GPC5: variants seen among roughly 807,000 people sequenced by gnomAD.
GPC5 encodes glypican-5.
In GPC5, 47 loss-of-function variants were observed where a neutral mutation model predicts 53.9. The ratio of observed to expected loss-of-function variants is 0.87; its 90% CI spans 0.69 to 1.11. The LOEUF (loss-of-function observed/expected upper bound fraction) is 1.11. Ranked by LOEUF, GPC5 falls within the 50% of genes most tolerant of loss-of-function variation. The pLI is 0.00. For synonymous variants in GPC5, 286 were observed against 263.3 expected (o/e 1.09, Z -0.84); for missense variants, 748 against 713.1 (o/e 1.05, Z -0.56).
At chr13:92,626,549 C>G (rs1885052270) in intron 7 of GPC5, among the ~76,000 whole-genome samples, 1 of 152,138 alleles carries the variant, frequency 6.6e-6, no homozygotes, top group Admixed American at 6.6e-5. Context: ...CTTATGGAGG[C>G]CTCATTGCTG....
At chr13:92,803,742 T>C (rs1327232615) in intron 7 of GPC5, among the ~76,000 whole-genome samples, 6 of 151,972 alleles carry the variant, frequency 3.9e-5, no homozygotes, top group Non-Finnish European at 7.4e-5. Context: ...TAATTTGTAT[T>C]TTAAAAGGCT....
intron 7 of GPC5, among the ~76,000 whole-genome samples, chr13:92,398,337 G>C (rs913276924): frequency 2.8e-5 from 4 of 145,334 alleles, no homozygotes; most frequent in Admixed American, 1.4e-4. Context: ...GCTGAGGCAG[G>C]AGAATGGCGT....
chr13:91,664,380 T>C (rs2035058011), intron 2 of GPC5, among the ~76,000 whole-genome samples: 1 of 152,200 alleles, frequency 6.6e-6, no homozygotes, highest in South Asian at 2.1e-4. Context: ...GCATGATCAT[T>C]TATCTAAAGC....
At chr13:92,048,212 T>C (rs959126270) in intron 6 of GPC5, among the ~76,000 whole-genome samples, 3 of 152,114 alleles carry the variant, frequency 2.0e-5, no homozygotes, top group African/African-American at 7.2e-5. Context: ...TACTGAATTA[T>C]ATGTAATATC....
Position 92,720,600 on chromosome 13 carries a change from G to GA in GPC5, c.1562-145676dup, listed in dbSNP as rs1205286542. Among the ~76,000 whole-genome samples the GA allele has an allele frequency of 2.0e-5, 3 of 151,830 alleles. No homozygotes were observed. The East Asian group carries it at 5.8e-4, about 29-fold the overall frequency. ...AATAAAAATATAAGAGTATAATAAGGAAAAAATTGATGTTACATAACGTAC... is the reference window on the plus strand; with the variant it reads ...AATAAAAATATAAGAGTATAATAAGGAAAAAAATTGATGTTACATAACGTAC... On this transcript the variant is annotated intron_variant, in intron 7 of 7. Coordinates refer to ENST00000377067, the MANE Select transcript of GPC5 (RefSeq NM_004466.6).
intron 2 of GPC5, among the ~76,000 whole-genome samples, chr13:91,598,308 T>G (rs1188944775): frequency 7.0e-6 from 1 of 142,870 alleles, no homozygotes; most frequent in African/African-American, 2.4e-5. Context: ...GGCATGAGAT[T>G]TATCTTCTAG....
chr13:91,754,839 A>G (rs1325439816), intron 4 of GPC5, among the ~76,000 whole-genome samples: 1 of 152,122 alleles, frequency 6.6e-6, no homozygotes, highest in Non-Finnish European at 1.5e-5. Context: ...CTGTGCTATC[A>G]AGAGAATAAA....
chr13:92,863,183 G>A (rs537932703), intron 7 of GPC5, among the ~76,000 whole-genome samples: 1 of 152,200 alleles, frequency 6.6e-6, no homozygotes, highest in African/African-American at 2.4e-5. Context: ...TGACTTGGTG[G>A]TGCCAAGCAA....
chr13:91,562,505 C>G (rs2031324186), intron 2 of GPC5, among the ~76,000 whole-genome samples: 1 of 151,882 alleles, frequency 6.6e-6, no homozygotes, highest in Non-Finnish European at 1.5e-5. Context: ...ACTCTGTCGC[C>G]CAGGTTGGAG....
chr13:91,761,625 A>C (rs1277463524), intron 5 of GPC5, among the ~76,000 whole-genome samples: 2 of 152,154 alleles, frequency 1.3e-5, no homozygotes, highest in African/African-American at 4.8e-5. Flanking sequence ...TATGTTTACC[A>C]GTTTTTTATC....
At chr13:92,832,930 C>T (rs2138823296) in intron 7 of GPC5, among the ~76,000 whole-genome samples, 1 of 152,246 alleles carries the variant, frequency 6.6e-6, no homozygotes, top group Non-Finnish European at 1.5e-5. Flanking sequence ...ATCACTTGAA[C>T]CCAGGAGGCG....
intron 7 of GPC5, among the ~76,000 whole-genome samples, chr13:92,209,387 A>T (rs913679552): frequency 6.6e-6 from 1 of 152,190 alleles, no homozygotes; most frequent in Non-Finnish European, 1.5e-5. Flanking sequence ...AAGGGTGGTT[A>T]TTTAAACCAT....
intron 5 of GPC5, among the ~76,000 whole-genome samples, chr13:91,895,483 G>GT (rs952955107): frequency 5.9e-5 from 9 of 152,220 alleles, no homozygotes; most frequent in South Asian, 2.1e-4. Context: ...TCACAGAAAT[G>GT]TTTTTTTGTG....
chr13:91,705,096 CT>C (rs1181030153), intron 3 of GPC5, among the ~76,000 whole-genome samples: 1 of 152,110 alleles, frequency 6.6e-6, no homozygotes, highest in Non-Finnish European at 1.5e-5. Flanking sequence ...TTTATACTCC[CT>C]TCTCTGTTTT....
At chr13:92,039,291 G>T (rs978135933) in intron 6 of GPC5, among the ~76,000 whole-genome samples, 1 of 152,218 alleles carries the variant, frequency 6.6e-6, no homozygotes, top group Non-Finnish European at 1.5e-5. Flanking sequence ...AAAAGTAACA[G>T]GATGTTTGTG....
intron 7 of GPC5, among the ~76,000 whole-genome samples, chr13:92,321,404 C>T (rs1375160555): frequency 1.3e-5 from 2 of 152,142 alleles, no homozygotes; most frequent in African/African-American, 4.8e-5. Context: ...CCATCCTGGC[C>T]AACATCGTGA....
chr13:92,548,701 A>C (rs1353461698), intron 7 of GPC5, among the ~76,000 whole-genome samples: 4 of 152,236 alleles, frequency 2.6e-5, no homozygotes, highest in Admixed American at 2.6e-4. Flanking sequence ...TTTCTTCTTC[A>C]TATGGTGTAA....
chr13:91,914,296 A>T (rs1377816548), intron 6 of GPC5, among the ~76,000 whole-genome samples: 1 of 152,174 alleles, frequency 6.6e-6, no homozygotes, highest in Non-Finnish European at 1.5e-5. Flanking sequence ...AATTTTCTGG[A>T]TTTATTTTAT....
chr13:92,166,952 TCTCTCACACACACACA>T (rs1239084767), intron 7 of GPC5, among the ~76,000 whole-genome samples: 28 of 63,252 alleles, frequency 4.4e-4, no homozygotes, highest in African/African-American at 1.6e-3. Flanking sequence ...TCTCTCTCTC[TCTCTCACACACACACA>T]CACACACACA....
Sources: gnomAD v4.1 joint callset for allele counts (sites outside exome capture counted in the v4.1 genomes callset) on GRCh38, gnomAD v4.1.1 for gene constraint, MANE v1.5 for transcripts, NCBI Gene and HGNC (gene_info 2026-07-23, HGNC 2026-07-21) for gene names.